Variants in IGF2 observed in about 807,000 individuals in gnomAD.
The protein encoded by IGF2 is insulin-like growth factor 2.
Under a neutral mutation model 12.0 loss-of-function variants are expected in IGF2, and 2 were observed. The observed-to-expected ratio is 0.17, with a 90% CI of 0.07 to 0.52. IGF2 has a LOEUF of 0.52. IGF2 is among the 20% of genes least tolerant of loss of function. IGF2 has a pLI of 0.95. For missense variants in IGF2, 211 were observed against 268.0 expected (o/e 0.79, Z 1.48); for synonymous variants, 105 against 110.1 (o/e 0.95, Z 0.29).
At chr11:2,143,106 A>G (rs1859698405), upstream of IGF2, among the ~76,000 whole-genome samples, 1 of 152,142 alleles carries the variant, frequency 6.6e-6, no homozygotes, top group Admixed American at 6.5e-5. Flanking sequence ...AACTCAGGCA[A>G]TCAGAGGGCA....
At chr11:2,145,129 C>G (rs1309637924), upstream of IGF2, among the ~76,000 whole-genome samples, 2 of 152,154 alleles carry the variant, frequency 1.3e-5, no homozygotes, top group Non-Finnish European at 2.9e-5. Flanking sequence ...GAACATCTGG[C>G]CCATCTCTCC....
chr11:2,140,097 A>G, upstream of IGF2: 1 of 1,601,000 alleles, frequency 6.2e-7, no homozygotes, highest in Non-Finnish European at 8.5e-7. Flanking sequence ...CCGCCAGAGG[A>G]GAGAGGATCA....
Position 2,132,654 on chromosome 11 carries a change from T to C in IGF2, c.*333A>G, listed in dbSNP as rs1419211359. 2 of 119,336 alleles carry C rather than the reference T, an allele frequency of 1.7e-5. No individual in the cohort carries two copies. The highest frequency in any genetic ancestry group is 3.1e-5 in the Non-Finnish European group (2 of 64,532). 7.4% of individuals were successfully genotyped at this position (119,336 alleles called of 1,614,324 possible). A position where few individuals can be genotyped will look rare whatever the true frequency, so the allele number is the denominator to read the frequency against. The stretch of plus-strand genomic sequence containing the variant: ...AAGCCAATTAGTTTTAAGAGGGTTG[T>C]TGTGGGGGGGGGGGAAGGGGGTTAG... On this transcript the variant is annotated 3_prime_UTR_variant, in exon 4 of 4. Transcript: ENST00000416167.
At chr11:2,134,311 C>A in intron 2 of IGF2, 2 of 363,338 alleles carry the variant, frequency 5.5e-6, no homozygotes, top group Non-Finnish European at 1.1e-5. Flanking sequence ...AGCAGGAGCC[C>A]CATCACGGGG....
chr11:2,138,998 G>A lies in IGF2; in HGVS notation c.-776C>T. 1 of 979,392 alleles carries A rather than the reference G, an allele frequency of 1.0e-6. No homozygotes were observed. The highest frequency in any genetic ancestry group is 1.2e-6 in the Non-Finnish European group (1 of 825,816). 60.7% of individuals were successfully genotyped at this position (979,392 alleles called of 1,614,324 possible). ...CGGTGGCGGCACCGGGGCCGCTCCG[G>A]GACGCAGCGCGGAAAGGGGAGCGGC... is the stretch of plus-strand genomic sequence containing the variant. On this transcript the variant is annotated 5_prime_UTR_variant, in exon 1 of 4. Coordinates refer to ENST00000416167, the MANE Select transcript of IGF2 (RefSeq NM_000612.6).
intron 1 of IGF2, 150 bp from the exon 2 acceptor site, chr11:2,135,679 T>TA: frequency 1.4e-6 from 1 of 704,618 alleles, no homozygotes. Flanking sequence ...ATTACAAAAG[T>TA]AACACACAGG....
At chr11:2,141,945 G>A (rs1355087946), upstream of IGF2, among the ~76,000 whole-genome samples, 2 of 152,128 alleles carry the variant, frequency 1.3e-5, no homozygotes, top group Admixed American at 1.3e-4. Flanking sequence ...CCTGGATGTC[G>A]TCTGCATTTG....
At chr11:2,140,667 AT>A, upstream of IGF2, 1 of 479,288 alleles carries the variant, frequency 2.1e-6, no homozygotes, top group Admixed American at 2.2e-5. Context: ...AGTGGCGCGG[AT>A]TTCGGGGCGC....
chr11:2,139,734 C>T (rs918052264), upstream of IGF2, among the ~76,000 whole-genome samples: 1 of 151,802 alleles, frequency 6.6e-6, no homozygotes, highest in East Asian at 1.9e-4. Flanking sequence ...GGCCTGTGCT[C>T]GTGAGCTGGG....
chr11:2,140,565 C>T, upstream of IGF2: 1 of 494,028 alleles, frequency 2.0e-6, no homozygotes, highest in Admixed American at 3.4e-5. Flanking sequence ...CGCCTCTCCT[C>T]CGCGTCCCTC....
At chr11:2,146,826 A>AC in the IGF2 span, 1 of 196,042 alleles carries the variant, frequency 5.1e-6, no homozygotes, top group Non-Finnish European at 1.1e-5. Context: ...CTCCCCTGTC[A>AC]CCCCAGTGCC....
chr11:2,145,927 G>A (rs920991405), upstream of IGF2, among the ~76,000 whole-genome samples: 4 of 151,960 alleles, frequency 2.6e-5, no homozygotes, highest in Non-Finnish European at 4.4e-5. Flanking sequence ...TCCAGCCCCC[G>A]GAGGTAGGAA....
Position 2,131,785 on chromosome 11 carries a change from G to A in IGF2, c.*1202C>T, listed in dbSNP as rs1274230805. On this transcript the variant is annotated 3_prime_UTR_variant, in exon 4 of 4. Transcript: ENST00000416167. ...TGTGCTGTGTCTTTGTGTGTGTGCTGTGTGCTAGTGTGTGTGCTGTGTGTG... is the reference window on the plus strand; with the variant it reads ...TGTGCTGTGTCTTTGTGTGTGTGCTATGTGCTAGTGTGTGTGCTGTGTGTG... 7.5e-6 allele frequency: 1 copy of A among 134,114 alleles called. No homozygotes were observed. Among genetic ancestry groups the A allele is most frequent in the Admixed American group, 1.2e-4 (1 of 8,410 alleles). 8.3% of individuals were successfully genotyped at this position (134,114 alleles called of 1,614,324 possible). A position where few individuals can be genotyped will look rare whatever the true frequency, so the allele number is the denominator to read the frequency against.
chr11:2,138,766 G>A lies in IGF2; in HGVS notation c.-544C>T, dbSNP rs1019910464. ...CGGGAGGGAGCGAAGGGAAGGTTGC[G>A]GGAGAAAGAGCGGGGGCCGGGGCCA... On this transcript the variant is annotated 5_prime_UTR_variant, in exon 1 of 4. Transcript: ENST00000416167. 16 of 941,972 alleles carry A rather than the reference G, an allele frequency of 1.7e-5. No homozygotes were observed. In the African/African-American group the frequency reaches 2.7e-4, roughly 16 times the overall value. 58.4% of individuals were successfully genotyped at this position (941,972 alleles called of 1,614,324 possible). A position where few individuals can be genotyped will look rare whatever the true frequency, so the allele number is the denominator to read the frequency against.
At chr11:2,140,438 C>G, upstream of IGF2, 1 of 720,522 alleles carries the variant, frequency 1.4e-6, no homozygotes. Context: ...TCTCGCGCCC[C>G]CCTGGCCCCC....
rs1457111530 is a variant in IGF2 at position 2,130,581 on chromosome 11, A to C, written c.*2406T>G. ...GCGCATAAAGCTAAGGAGGGGTAAA[A>C]AAAAAACAAAAAAAAAAAAAAAAGG... On this transcript the variant is annotated 3_prime_UTR_variant, in exon 4 of 4. Transcript: ENST00000416167. The C allele has an allele frequency of 5.0e-6, 1 of 199,422 alleles. No individual in the cohort carries two copies. Among genetic ancestry groups the C allele is most frequent in the Non-Finnish European group, 9.9e-6 (1 of 101,228 alleles). The allele number at this position is 199,422 out of a possible 1,614,324, so 12.4% of individuals were successfully genotyped here. A position where few individuals can be genotyped will look rare whatever the true frequency, so the allele number is the denominator to read the frequency against.
At chr11:2,147,487 G>T in the IGF2 span, 72 of 553,124 alleles carry the variant, frequency 1.3e-4, no homozygotes, top group Non-Finnish European at 6.8e-5. The surrounding 1 kb of genome is among the most constrained non-coding windows in gnomAD (Gnocchi z 7.2). Context: ...CTTGCAGAAG[G>T]GGGAGATCCC....
At chr11:2,142,634 G>T (rs17883195), upstream of IGF2, among the ~76,000 whole-genome samples, 1 of 152,120 alleles carries the variant, frequency 6.6e-6, no homozygotes, top group Non-Finnish European at 1.5e-5. This position sits in a 1 kb window ranked among gnomAD's most constrained non-coding sequence, Gnocchi z 5.7. Context: ...GATCCTGGCC[G>T]TTGGGGTTTC....
chr11:2,139,436 G>A (rs1419157420), upstream of IGF2: 1 of 147,136 alleles, frequency 6.8e-6, no homozygotes, highest in Non-Finnish European at 1.5e-5. Context: ...GCCAGCCCGC[G>A]GCCCAGGGCC....
Sources: gnomAD v4.1 joint callset for allele counts (sites outside exome capture counted in the v4.1 genomes callset) on GRCh38, gnomAD v4.1.1 for gene constraint, Gnocchi (gnomAD v3.1) non-coding constraint, MANE v1.5 for transcripts, NCBI Gene and HGNC (gene_info 2026-07-23, HGNC 2026-07-21) for gene names.